Variants in TXNRD1 observed in about 807,000 individuals in gnomAD.
The protein encoded by TXNRD1 is thioredoxin reductase 1.
A neutral mutation model predicts 80.3 loss-of-function variants in TXNRD1; 57 were observed. The ratio of observed to expected loss-of-function variants is 0.71; its 90% CI spans 0.57 to 0.89. The LOEUF (loss-of-function observed/expected upper bound fraction) is 0.89. Ranked by LOEUF, TXNRD1 falls within the 40% of genes least tolerant of loss-of-function variation. The probability of loss-of-function intolerance (pLI) is 0.00; values close to 1 mark genes in which losing one functional copy is unlikely to be tolerated. For missense variants in TXNRD1, 730 were observed against 803.0 expected (o/e 0.91, Z 1.10); for synonymous variants, 291 against 285.2 (o/e 1.02, Z -0.20).
At chr12:104,288,105 C>G (rs1446827282) in intron 3 of TXNRD1, among the ~76,000 whole-genome samples, 2 of 152,174 alleles carry the variant, frequency 1.3e-5, no homozygotes, top group Admixed American at 6.5e-5. Flanking sequence ...ATTCTCCTGC[C>G]TCAGCCTCCT....
At chr12:104,287,964 T>C (rs1346399782) in intron 3 of TXNRD1, among the ~76,000 whole-genome samples, 1 of 151,098 alleles carries the variant, frequency 6.6e-6, no homozygotes, top group Non-Finnish European at 1.5e-5. Context: ...GCAGCTATAC[T>C]TTGTTTTTTG....
At chr12:104,326,518 T>G (rs2035771834) in intron 12 of TXNRD1, 95 bp downstream of exon 12, 1 of 747,156 alleles carries the variant, frequency 1.3e-6, no homozygotes, top group Non-Finnish European at 2.1e-6. Context: ...CAGGCTGGAG[T>G]ACAATGGCAC....
intron 3 of TXNRD1, chr12:104,286,159 A>C (rs1226678246): frequency 6.6e-6 from 1 of 152,124 alleles, no homozygotes; most frequent in African/African-American, 2.4e-5. Context: ...TTATCCAAAG[A>C]AGTGGGAAAG....
At chr12:104,293,484 G>C (rs921006489) in intron 4 of TXNRD1, among the ~76,000 whole-genome samples, 1 of 152,154 alleles carries the variant, frequency 6.6e-6, no homozygotes, top group Non-Finnish European at 1.5e-5. Flanking sequence ...TTGAGACAAG[G>C]TCTGGCTCTA....
chr12:104,227,323 GT>G (rs1434247324), intron 1 of TXNRD1, among the ~76,000 whole-genome samples: 1 of 152,100 alleles, frequency 6.6e-6, no homozygotes, highest in East Asian at 1.9e-4. Context: ...GTGCAATGGT[GT>G]AATTATAGCT....
intron 13 of TXNRD1, among the ~76,000 whole-genome samples, 189 bp downstream of exon 13, chr12:104,327,860 A>G (rs561871432): frequency 4.6e-5 from 7 of 151,350 alleles, no homozygotes; most frequent in African/African-American, 1.7e-4. Context: ...TTGTGACTTT[A>G]TTATGAAGAT....
intron 1 of TXNRD1, among the ~76,000 whole-genome samples, chr12:104,223,400 A>ATCT (rs2032397473): frequency 6.6e-6 from 1 of 152,206 alleles, no homozygotes; most frequent in Non-Finnish European, 1.5e-5. Context: ...TAGAGAAGTA[A>ATCT]TCTTACCTCT....
At chr12:104,347,784 G>T (rs144575403) in intron 16 of TXNRD1, among the ~76,000 whole-genome samples, 2 of 152,048 alleles carry the variant, frequency 1.3e-5, no homozygotes, top group Non-Finnish European at 1.5e-5. Context: ...TGATTGACTC[G>T]AACTCCATTC....
intron 3 of TXNRD1, among the ~76,000 whole-genome samples, chr12:104,279,696 A>G (rs180902987): frequency 3.9e-5 from 6 of 152,330 alleles, no homozygotes; most frequent in African/African-American, 1.4e-4. Context: ...GAAATTGCCA[A>G]AGTTCCCTCT....
At chr12:104,230,504 C>T (rs2032595724) in intron 1 of TXNRD1, among the ~76,000 whole-genome samples, 1 of 152,130 alleles carries the variant, frequency 6.6e-6, no homozygotes, top group South Asian at 2.1e-4. Context: ...CTTTTTTATT[C>T]TAGCCATCCT....
chr12:104,267,645 G>GTTTCTTTCTTTC (rs1565869947), intron 3 of TXNRD1, among the ~76,000 whole-genome samples: 1 of 103,506 alleles, frequency 9.7e-6, no homozygotes, highest in Admixed American at 1.0e-4. Flanking sequence ...AGATGTGATG[G>GTTTCTTTCTTTC]TATCTTTCTT....
At chr12:104,325,107 T>C (rs758095168) in intron 10 of TXNRD1, among the ~76,000 whole-genome samples, 1 of 152,224 alleles carries the variant, frequency 6.6e-6, no homozygotes, top group Non-Finnish European at 1.5e-5. Context: ...ATTTTATTGT[T>C]TGAGAACTCT....
intron 1 of TXNRD1, among the ~76,000 whole-genome samples, chr12:104,223,959 G>A (rs2032412790): frequency 6.6e-6 from 1 of 152,204 alleles, no homozygotes; most frequent in Non-Finnish European, 1.5e-5. Context: ...GATTGCAAAG[G>A]AAATATATGT....
intron 1 of TXNRD1, among the ~76,000 whole-genome samples, chr12:104,250,767 A>C (rs1304117592): frequency 3.9e-5 from 6 of 152,212 alleles, no homozygotes; most frequent in Admixed American, 3.9e-4. Context: ...GAAATCACCT[A>C]AGGAACAAGT....
rs535559699 is a variant in TXNRD1 at position 104,249,751 on chromosome 12, T to C, written c.92-1776T>C. Among the ~76,000 whole-genome samples the C allele has an allele frequency of 3.4e-3, 518 of 151,734 alleles. 14 individuals carry two copies. The highest frequency in any genetic ancestry group is 0.029 in the Admixed American group (446 of 15,224). On this transcript the variant is annotated intron_variant, in intron 1 of 16. Transcript: ENST00000525566. ...GAGATCAAGACCATCCTGGCTAACA[T>C]GGTGAAACCCCGTCTCTACTAAAAA...
Position 104,327,546 on chromosome 12 carries a change from C to T in TXNRD1, c.1417C>T (p.Gln473Ter). Residue 473 changes from glutamine to a stop codon, truncating the protein, a stop_gained, in exon 13 of 17, where the codon CAG (glutamine) becomes TAG (stop). Transcript: ENST00000525566. LOFTEE classifies it high-confidence loss of function. ...AAAAATACCTGTCACAGATGAAGAA[C>T]AGACCAATGTGCCTTACATCTATGC... ...TGKIPVTDEE[Q>*]TNVPYIYAIG... The T allele has an allele frequency of 6.2e-7, 1 of 1,613,458 alleles. No homozygotes were observed. The highest frequency in any genetic ancestry group is 8.5e-7 in the Non-Finnish European group (1 of 1,179,716).
intron 3 of TXNRD1, among the ~76,000 whole-genome samples, chr12:104,280,884 GA>G (rs964349536): frequency 2.0e-5 from 3 of 152,050 alleles, no homozygotes; most frequent in African/African-American, 4.8e-5. Context: ...AAAAAGAAAA[GA>G]AAAAAATCTC....
chr12:104,311,040 T>C (rs888704283), intron 4 of TXNRD1, among the ~76,000 whole-genome samples: 23 of 152,238 alleles, frequency 1.5e-4, no homozygotes, highest in African/African-American at 5.1e-4. Context: ...GGTTTACTTA[T>C]GTAGAGGTAC....
rs748059068 is a variant in TXNRD1 at position 104,215,865 on chromosome 12, C to G, written c.63C>G (p.Gly21=). 18 of 1,559,554 alleles carry G rather than the reference C, an allele frequency of 1.2e-5. No homozygotes were observed. In the Admixed American group the frequency reaches 3.5e-4, roughly 30 times the overall value. Residue 21 remains glycine, a synonymous_variant, in exon 1 of 17, where the codon GGC becomes GGG. Transcript: ENST00000525566. ...AAAPTELQTK[G]KNGDGRRRSA... The stretch of plus-strand genomic sequence containing the variant: ...CCCCAACGGAGCTGCAGACGAAAGG[C>G]AAGAACGGCGATGGCCGCCGTAGGT...
Sources: allele counts gnomAD v4.1 joint callset (sites outside exome capture counted in the v4.1 genomes callset), GRCh38; gene constraint gnomAD v4.1.1; transcripts MANE v1.5; gene names NCBI Gene and HGNC (gene_info 2026-07-23, HGNC 2026-07-21).